SETD5: variants seen among roughly 807,000 people sequenced by gnomAD.
SETD5 encodes SET domain containing 5.
Under a neutral mutation model 153.3 loss-of-function variants are expected in SETD5, and 44 were observed. The observed-to-expected ratio is 0.29, with a 90% CI of 0.23 to 0.37. SETD5 has a LOEUF of 0.37. Ranked by LOEUF, SETD5 falls within the 10% of genes least tolerant of loss-of-function variation. The pLI, the probability that SETD5 is intolerant of heterozygous loss-of-function variation, is 1.00. For missense variants in SETD5, 1,544 were observed against 1,768.0 expected (o/e 0.87, Z 2.27); for synonymous variants, 716 against 645.2 (o/e 1.11, Z -1.66).
At position 9,443,259 on chromosome 3, in the gene SETD5, A is replaced by C. The variant is rs752992613; in HGVS notation, c.1078-49A>C. The C allele has an allele frequency of 2.1e-5, 28 of 1,342,672 alleles. No individual in the cohort carries two copies. The South Asian group carries it at 2.5e-4, about 12-fold the overall frequency. 83.2% of individuals were successfully genotyped at this position (1,342,672 alleles called of 1,614,324 possible). A position where few individuals can be genotyped will look rare whatever the true frequency, so the allele number is the denominator to read the frequency against. ...AGTATGGTTTTTTTCTCTCTTACGG[A>C]AAGTTCATGGTCTTTATGAAAAATC... On this transcript the variant is annotated intron_variant, in intron 10 of 22. Transcript: ENST00000402198.
rs374412039 is a variant in SETD5 at position 9,475,862 on chromosome 3, G to A, written c.4100G>A (p.Gly1367Glu). ...GATTCAGTTTCTCAGTCCAGCACAG[G>A]AACTCTGAGTTCCACCTCCTTTCCT... The part of the protein sequence containing the change: ...TSDSVSQSST[G>E]TLSSTSFPQN... The change falls in exon 23 of 23, where the codon GGA (glycine) becomes GAA (glutamate). Residue 1367 changes from glycine to glutamate, a missense_variant. This residue lies in a region of SETD5 where 302 missense variants were observed against 277.6 expected (regional missense o/e 1.09). Transcript: ENST00000402198. 1.2e-6 allele frequency: 2 copies of A among 1,613,874 alleles called. No homozygotes were observed. Among genetic ancestry groups the A allele is most frequent in the Non-Finnish European group, 1.7e-6 (2 of 1,179,900 alleles).
At chr3:9,398,948 G>T (rs1165193550) in intron 1 of SETD5, among the ~76,000 whole-genome samples, 1 of 152,188 alleles carries the variant, frequency 6.6e-6, no homozygotes, top group African/African-American at 2.4e-5. Flanking sequence ...TGTATGACCT[G>T]CATTTTCTGC....
chr3:9,448,298 C>A (rs760027965), intron 15 of SETD5, 90 bp from the exon 16 acceptor site: 208 of 1,513,780 alleles, frequency 1.4e-4, no homozygotes, highest in Non-Finnish European at 1.8e-4. Flanking sequence ...GCTGCATCTC[C>A]TCCTGTCCTA....
intron 1 of SETD5, among the ~76,000 whole-genome samples, chr3:9,399,367 C>T (rs1402348035): frequency 6.6e-6 from 1 of 151,928 alleles, no homozygotes; most frequent in African/African-American, 2.4e-5. Flanking sequence ...GGGATCTGAG[C>T]TAGGACTAAA....
At chr3:9,405,677 A>T (rs1291775169) in intron 1 of SETD5, among the ~76,000 whole-genome samples, 4 of 152,156 alleles carry the variant, frequency 2.6e-5, no homozygotes, top group African/African-American at 7.2e-5. Flanking sequence ...AGATATTATG[A>T]TCTAGTTTGA....
intron 8 of SETD5, among the ~76,000 whole-genome samples, chr3:9,440,932 C>T (rs1197814039): frequency 6.6e-6 from 1 of 152,058 alleles, no homozygotes; most frequent in Non-Finnish European, 1.5e-5. Flanking sequence ...AGGCTGTGTG[C>T]AGTGCAGTGG....
intron 3 of SETD5, chr3:9,430,904 C>G (rs1462367414): frequency 5.1e-6 from 5 of 985,256 alleles, no homozygotes; most frequent in Non-Finnish European, 6.0e-6. Context: ...TTCATGATCT[C>G]CAGACAGATT....
intron 12 of SETD5, 25 bp downstream of exon 12, chr3:9,445,325 A>G (rs1282751885): frequency 6.3e-7 from 1 of 1,589,052 alleles, no homozygotes; most frequent in Non-Finnish European, 8.6e-7. Context: ...TCAAATGATG[A>G]TGCTATGGCA....
chr3:9,428,481 A>G (rs979799921), intron 2 of SETD5, among the ~76,000 whole-genome samples: 2 of 152,234 alleles, frequency 1.3e-5, no homozygotes, highest in Non-Finnish European at 2.9e-5. Context: ...ACCATCCTTT[A>G]TCTTAAAACT....
Position 9,434,620 on chromosome 3 carries a change from C to G in SETD5, c.329+135C>G, listed in dbSNP as rs2040346544. ...TCCTTAGTGCTCCTTGGCTCGAATT[C>G]TCTGCACTAGGTGAGAATTGCTGAC... On this transcript the variant is annotated intron_variant, in intron 5 of 22. Coordinates refer to ENST00000402198, the MANE Select transcript of SETD5 (RefSeq NM_001080517.3). The surrounding 1 kb of genome is among the most constrained non-coding windows in gnomAD (Gnocchi z 5.6). 6.7e-7 allele frequency: 1 copy of G among 1,490,098 alleles called. No individual in the cohort carries two copies. The highest frequency in any genetic ancestry group is 8.9e-7 in the Non-Finnish European group (1 of 1,119,618). The allele number at this position is 1,490,098 out of a possible 1,614,324, so 92.3% of individuals were successfully genotyped here.
intron 9 of SETD5, 114 bp from the exon 10 acceptor site, chr3:9,442,014 T>C (rs1174433051): frequency 1.3e-6 from 1 of 767,948 alleles, no homozygotes; most frequent in Non-Finnish European, 2.1e-6. Context: ...TTCCCAAGTT[T>C]AGGCGTTGCA....
At chr3:9,417,264 G>A (rs1376006640) in intron 1 of SETD5, among the ~76,000 whole-genome samples, 1 of 152,126 alleles carries the variant, frequency 6.6e-6, no homozygotes, top group Non-Finnish European at 1.5e-5. Flanking sequence ...GACTGATGTG[G>A]TTTGCTAAAA....
intron 1 of SETD5, chr3:9,398,390 G>A (rs1575114512): frequency 8.5e-6 from 1 of 118,018 alleles, no homozygotes; most frequent in South Asian, 3.0e-4. Flanking sequence ...CCCTACCCCC[G>A]TTCTCGCGGC....
intron 18 of SETD5, chr3:9,468,389 A>G (rs769725591): frequency 4.6e-5 from 25 of 540,408 alleles, no homozygotes; most frequent in Non-Finnish European, 7.4e-5. Context: ...TCCCCTATGC[A>G]TTCTTATTCA....
chr3:9,468,614 G>C, intron 18 of SETD5: 1 of 1,301,298 alleles, frequency 7.7e-7, no homozygotes, highest in Non-Finnish European at 1.0e-6. Flanking sequence ...TGGAGGCTGA[G>C]AGTGAGTGTT....
chr3:9,438,002 CA>C (rs35059227), intron 7 of SETD5, among the ~76,000 whole-genome samples: 40,387 of 136,310 alleles, frequency 0.3, 6,463 homozygotes, highest in African/African-American at 0.48. Flanking sequence ...GACTCCATCT[CA>C]AAAAAAAAAA....
intron 3 of SETD5, 36 bp downstream of exon 3, chr3:9,429,045 A>G: frequency 3.3e-6 from 5 of 1,504,444 alleles, no homozygotes; most frequent in African/African-American, 1.4e-5. Flanking sequence ...GTACATTATC[A>G]GTCTGTGTGG....
chr3:9,418,245 C>G (rs557382042), intron 1 of SETD5, among the ~76,000 whole-genome samples: 2 of 152,052 alleles, frequency 1.3e-5, no homozygotes, highest in African/African-American at 4.8e-5. Context: ...TTGTTTGAAA[C>G]GAAGCACTCA....
chr3:9,452,365 A>T (rs559740865), intron 16 of SETD5, among the ~76,000 whole-genome samples: 2 of 152,350 alleles, frequency 1.3e-5, no homozygotes, highest in Non-Finnish European at 2.9e-5. Context: ...AGTGCTTTGG[A>T]CAAGATGACT....
Sources: gnomAD v4.1 joint callset for allele counts (sites outside exome capture counted in the v4.1 genomes callset) on GRCh38, gnomAD v4.1.1 for gene constraint, gnomAD v4.1.1 regional missense constraint, Gnocchi (gnomAD v3.1) non-coding constraint, MANE v1.5 for transcripts, NCBI Gene and HGNC (gene_info 2026-07-23, HGNC 2026-07-21) for gene names.